The following MYL5 variants were observed in gnomAD, a reference collection of about 807,000 sequenced individuals.
MYL5 encodes myosin light chain 5.
MYL5 carries 28 observed loss-of-function variants against 20.8 expected under a neutral mutation model. The observed-to-expected ratio is 1.35, with a 90% confidence interval of 1.00 to 1.84. MYL5 has a LOEUF of 1.84. Among genes scored for constraint, MYL5 ranks in the 40% most tolerant of loss-of-function variants. The pLI is 0.00. For missense variants in MYL5, 274 were observed against 227.3 expected (o/e 1.21, Z -1.32); for synonymous variants, 118 against 87.4 (o/e 1.35, Z -1.95).
intron 4 of MYL5, 114 bp downstream of exon 6, chr4:680,132 G>A (rs938559190): frequency 1.9e-6 from 2 of 1,053,214 alleles, no homozygotes; most frequent in African/African-American, 1.6e-5. Flanking sequence ...CCTAGGGCCT[G>A]GCACTCTGGG....
upstream of MYL5, among the ~76,000 whole-genome samples, chr4:677,146 C>G (rs536816147): frequency 3.7e-3 from 563 of 152,338 alleles, 6 homozygotes; most frequent in Non-Finnish European, 2.1e-3. Context: ...TACTGCGTCC[C>G]ACGCAGACGC....
chr4:678,278 G>A, intron 1 of MYL5: 1 of 1,454,526 alleles, frequency 6.9e-7, no homozygotes, highest in Admixed American at 2.3e-5. Context: ...AGAGTCCGGA[G>A]CAGGATGAGG....
chr4:675,049 C>T (rs981325163), upstream of MYL5: 4 of 152,526 alleles, frequency 2.6e-5, no homozygotes, highest in African/African-American at 9.6e-5. Context: ...GGTCCCCCGA[C>T]TCCAGGCCTC....
exon 1 of MYL5, chr4:678,000 G>C (rs1739016422): frequency 6.2e-7 from 1 of 1,613,418 alleles, no homozygotes; most frequent in African/African-American, 1.3e-5. Flanking sequence ...GCCCTGGGCA[G>C]ACGCATCAAA....
intron 6 of MYL5, among the ~76,000 whole-genome samples, chr4:681,652 C>G (rs1443237147): frequency 3.4e-5 from 2 of 59,546 alleles, no homozygotes; most frequent in Non-Finnish European, 3.5e-5. Context: ...CCCGCCCCCT[C>G]CAGCGCCGCC....
At chr4:674,638 G>A, upstream of MYL5, 1 of 287,666 alleles carries the variant, frequency 3.5e-6, no homozygotes, top group South Asian at 3.7e-5. Flanking sequence ...CAGACTGCGG[G>A]CCGGGGCGCA....
intron 6 of MYL5, among the ~76,000 whole-genome samples, chr4:681,580 C>T (rs1209506254): frequency 1.4e-5 from 2 of 145,878 alleles, no homozygotes; most frequent in Admixed American, 6.8e-5. Flanking sequence ...TGCGCCCAGA[C>T]TGTGGCTGCA....
At chr4:680,142 G>A in intron 4 of MYL5, 124 bp downstream of exon 6, 4 of 992,488 alleles carry the variant, frequency 4.0e-6, no homozygotes, top group South Asian at 1.7e-5. Context: ...GGCACTCTGG[G>A]AGCCAACAAC....
chr4:678,916 C>T (rs767996026), intron 2 of MYL5, 42 bp from the exon 5 acceptor site: 2 of 1,611,868 alleles, frequency 1.2e-6, no homozygotes, highest in Non-Finnish European at 1.7e-6. Flanking sequence ...GGGCAGAGCC[C>T]AGCCGGGTTG....
intron 3 of MYL5, 170 bp downstream of exon 5, chr4:679,203 C>T (rs753833065): frequency 2.7e-6 from 2 of 733,180 alleles, no homozygotes; most frequent in South Asian, 3.0e-5. Flanking sequence ...TTGGTTCCAT[C>T]AGAGCTGGCA....
intron 6 of MYL5, 171 bp from the exon 9 acceptor site, chr4:681,722 C>G (rs1284087986): frequency 7.7e-5 from 19 of 245,340 alleles, no homozygotes; most frequent in South Asian, 4.1e-4. Flanking sequence ...CCAGCGCCGC[C>G]CCGCCCCCTC....
intron 4 of MYL5, 139 bp downstream of exon 6, chr4:680,157 G>C: frequency 1.1e-6 from 1 of 883,376 alleles, no homozygotes; most frequent in Non-Finnish European, 1.7e-6. Flanking sequence ...AACAACTGTG[G>C]GGCCCCGTCA....
chr4:681,232 A>G, intron 6 of MYL5, 92 bp downstream of exon 8: 3 of 1,474,014 alleles, frequency 2.0e-6, no homozygotes, highest in Non-Finnish European at 2.8e-6. Flanking sequence ...CCCGAGGAGC[A>G]GCGCCGCGGT....
chr4:681,052 C>G lies in MYL5; in HGVS notation c.372-40C>G, dbSNP rs1426966891. 5.7e-6 allele frequency: 9 copies of G among 1,566,916 alleles called. No individual in the cohort carries two copies. The African/African-American group carries it at 8.1e-5, about 14-fold the overall frequency. On this transcript the variant is annotated intron_variant, in intron 5 of 6. Coordinates refer to ENST00000400159, the Ensembl canonical transcript of MYL5. ...AGCCCCACCGAGAAGGCTCCTGCAC[C>G]CCCGCATCAGCCCGCGCTGACCCCT...
At chr4:677,750 TC>T (rs756126144), upstream of MYL5, among the ~76,000 whole-genome samples, 44 of 152,134 alleles carry the variant, frequency 2.9e-4, no homozygotes, top group Non-Finnish European at 5.2e-4. Flanking sequence ...GAACAAAGCC[TC>T]CCCGGGGTTC....
rs765034462 is a variant in MYL5, at chr4:679,986, T to C, written c.260T>C (p.Met87Thr). The C allele has an allele frequency of 3.1e-6, 5 of 1,613,392 alleles. No homozygotes were observed. In the East Asian group the frequency reaches 8.9e-5, roughly 29 times the overall value. ...GCCTCGGGGCCCATCAACTTCACCATGTTTCTGAACCTGTTTGGGGAGAAG... is the reference window on the plus strand; with the variant it reads ...GCCTCGGGGCCCATCAACTTCACCACGTTTCTGAACCTGTTTGGGGAGAAG... Residue 87 changes from methionine to threonine, a missense_variant, in exon 4 of 7, where the codon ATG (methionine) becomes ACG (threonine). Physicochemically the swap from Met to Thr is moderately conservative, Grantham distance 81. Transcript: ENST00000400159.
At chr4:680,897 C>G in intron 5 of MYL5, 195 bp from the exon 8 acceptor site, 1 of 678,478 alleles carries the variant, frequency 1.5e-6, no homozygotes, top group South Asian at 1.8e-5. Flanking sequence ...GCTCTGTCCC[C>G]ATCAGCGGCT....
At chr4:681,531 G>T (rs1404156605) in intron 6 of MYL5, among the ~76,000 whole-genome samples, 1 of 112,344 alleles carries the variant, frequency 8.9e-6, no homozygotes, top group Non-Finnish European at 1.8e-5. Flanking sequence ...GACCCCACAC[G>T]GTCCTCCCCG....
At chr4:681,810 A>G (rs1739699383) in intron 6 of MYL5, 83 bp from the exon 9 acceptor site, 3 of 1,251,532 alleles carry the variant, frequency 2.4e-6, no homozygotes, top group Admixed American at 7.9e-5. Flanking sequence ...CGCGGCGCAG[A>G]AACCACACCC....
Sources: allele counts gnomAD v4.1 joint callset (sites outside exome capture counted in the v4.1 genomes callset), GRCh38; gene constraint gnomAD v4.1.1; transcripts MANE v1.5; gene names NCBI Gene and HGNC (gene_info 2026-07-23, HGNC 2026-07-21).